CFAP54: variants seen among roughly 807,000 people sequenced by gnomAD.
CFAP54 encodes cilia- and flagella-associated protein 54.
In CFAP54, 290 loss-of-function variants were observed where a neutral mutation model predicts 370.4. The observed-to-expected ratio is 0.78, with a 90% CI of 0.71 to 0.86. CFAP54 has a LOEUF of 0.86. Among genes scored for constraint, CFAP54 ranks in the 40% least tolerant of loss-of-function variants. CFAP54 has a pLI of 0.00. For missense variants in CFAP54, 3,399 were observed against 3,528.7 expected (o/e 0.96, Z 0.93); for synonymous variants, 1,206 against 1,236.5 (o/e 0.98, Z 0.52).
At chr12:96,783,644 T>G (rs1054237810) in intron 60 of CFAP54, among the ~76,000 whole-genome samples, 7 of 152,180 alleles carry the variant, frequency 4.6e-5, no homozygotes, top group African/African-American at 1.7e-4. Context: ...CCCAGCATTT[T>G]GGAAGGCCGA....
rs1664434946 is a variant in CFAP54 at position 96,684,967 on chromosome 12, G to A, written c.5805-62G>A. 4 of 1,513,868 alleles carry A rather than the reference G, an allele frequency of 2.6e-6. No homozygotes were observed. The Admixed American group carries it at 7.2e-5, about 27-fold the overall frequency. 93.8% of individuals were successfully genotyped at this position (1,513,868 alleles called of 1,614,324 possible). ...TTCGGTGTATTTGCTTTCCCTTCTG[G>A]AAGATAGATTTAATAATGGGTCTCA... On this transcript the variant is annotated intron_variant, in intron 41 of 67. Coordinates refer to ENST00000524981, the MANE Select transcript of CFAP54 (RefSeq NM_001306084.2).
At chr12:96,636,914 G>A (rs141210761) in intron 32 of CFAP54, among the ~76,000 whole-genome samples, 436 of 152,180 alleles carry the variant, frequency 2.9e-3, no homozygotes, top group African/African-American at 1.0e-2. Context: ...TAAGTCACAT[G>A]CCAACAATTT....
intron 63 of CFAP54, among the ~76,000 whole-genome samples, chr12:96,802,863 G>A (rs567542780): frequency 1.6e-4 from 25 of 152,138 alleles, no homozygotes; most frequent in Admixed American, 1.3e-3. Context: ...AGTGTGTGCT[G>A]TTCCCCTCCC....
At chr12:96,767,326 G>A (rs7307284) in intron 60 of CFAP54, among the ~76,000 whole-genome samples, 55,290 of 152,016 alleles carry the variant, frequency 0.36, 10,806 homozygotes, top group East Asian at 0.58. Context: ...ATGTCAGCCA[G>A]GGGCACACAG....
At chr12:96,571,810 A>G (rs1461062976) in intron 19 of CFAP54, among the ~76,000 whole-genome samples, 1 of 152,208 alleles carries the variant, frequency 6.6e-6, no homozygotes, top group Non-Finnish European at 1.5e-5. Flanking sequence ...CTCATAAACA[A>G]AATCTTATTA....
chr12:96,772,335 T>G (rs1176707302), intron 60 of CFAP54, among the ~76,000 whole-genome samples: 3 of 152,170 alleles, frequency 2.0e-5, no homozygotes, highest in Admixed American at 6.5e-5. Flanking sequence ...CAGGGATACA[T>G]TATTCTAAAA....
intron 63 of CFAP54, among the ~76,000 whole-genome samples, chr12:96,802,809 C>T (rs1852455510): frequency 2.0e-5 from 3 of 152,054 alleles, no homozygotes; most frequent in Non-Finnish European, 4.4e-5. Context: ...GGTATTTGTC[C>T]TAATGCTCTC....
intron 19 of CFAP54, among the ~76,000 whole-genome samples, chr12:96,569,984 T>A (rs1280082488): frequency 6.6e-6 from 1 of 152,144 alleles, no homozygotes; most frequent in African/African-American, 2.4e-5. Flanking sequence ...TATTTTTATT[T>A]TTATTTATTT....
chr12:96,671,413 A>G lies in CFAP54; in HGVS notation c.5563+7481A>G, dbSNP rs190124552. On this transcript the variant is annotated intron_variant, in intron 39 of 67. Coordinates refer to ENST00000524981, the MANE Select transcript of CFAP54 (RefSeq NM_001306084.2). ...GGGTTTTTTTTGTGTGTTTATTGAT[A>G]ACTAATCTGTTCCTCCTGATAAAAC... is the stretch of plus-strand genomic sequence containing the variant. Among the ~76,000 whole-genome samples the G allele has an allele frequency of 1.6e-3, 240 of 152,258 alleles. 1 individual carries two copies. The highest frequency in any genetic ancestry group is 5.5e-3 in the African/African-American group (228 of 41,540).
Position 96,521,965 on chromosome 12 carries a change from A to G in CFAP54, c.1051A>G (p.Met351Val), listed in dbSNP as rs1373508109. ...ESRRYFREAT[M>V]KMAVMIFKRG... ...GCGAAGATATTTTCGAGAGGCCACA[A>G]TGAAGGTATAAAAATTTCATGAAAT... is the stretch of plus-strand genomic sequence containing the variant. Residue 351 changes from methionine (M) to valine (V), a missense_variant, in exon 7 of 68, where the codon ATG becomes GTG. Physicochemically the swap from Met to Val is conservative, Grantham distance 21. This residue lies in a region of CFAP54 where 559 missense variants were observed against 576.7 expected (regional missense o/e 0.97). Transcript: ENST00000524981. 4.6e-6 allele frequency: 7 copies of G among 1,533,050 alleles called. No homozygotes were observed. In the East Asian group the frequency reaches 1.7e-4, roughly 38 times the overall value. 95.0% of individuals were successfully genotyped at this position (1,533,050 alleles called of 1,614,324 possible).
chr12:96,489,583 A>C lies in CFAP54; in HGVS notation c.-27A>C. 6.7e-7 allele frequency: 1 copy of C among 1,489,314 alleles called. No individual in the cohort carries two copies. Among genetic ancestry groups the C allele is most frequent in the Non-Finnish European group, 8.9e-7 (1 of 1,120,112 alleles). 92.3% of individuals were successfully genotyped at this position (1,489,314 alleles called of 1,614,324 possible). A position where few individuals can be genotyped will look rare whatever the true frequency, so the allele number is the denominator to read the frequency against. On this transcript the variant is annotated 5_prime_UTR_variant, in exon 1 of 68. Coordinates refer to ENST00000524981, the MANE Select transcript of CFAP54 (RefSeq NM_001306084.2). Reference sequence around the variant, plus strand: ...TCGCCAGGCAACCGCGTGTACACATACTCCAGGCGGGCCGGGGCGCGTCAA... The same window carrying C: ...TCGCCAGGCAACCGCGTGTACACATCCTCCAGGCGGGCCGGGGCGCGTCAA...
chr12:96,868,120 T>A (rs1171023944), intron 67 of CFAP54, among the ~76,000 whole-genome samples: 2 of 152,184 alleles, frequency 1.3e-5, no homozygotes, highest in African/African-American at 4.8e-5. Flanking sequence ...CCATGGAACC[T>A]GTCCGTACCA....
intron 50 of CFAP54, among the ~76,000 whole-genome samples, chr12:96,739,317 G>GATAAA (rs1958022464): frequency 1.3e-5 from 2 of 152,086 alleles, no homozygotes; most frequent in Non-Finnish European, 2.9e-5. Flanking sequence ...GCAATGATAA[G>GATAAA]TTTACTATTC....
chr12:96,771,691 A>C (rs61420929), intron 60 of CFAP54, among the ~76,000 whole-genome samples: 3,033 of 152,000 alleles, frequency 0.02, 99 homozygotes, highest in African/African-American at 0.068. Context: ...ACAAAAAAAA[A>C]CCCCACTTTA....
intron 24 of CFAP54, 122 bp downstream of exon 24, chr12:96,592,759 T>C: frequency 2.8e-6 from 1 of 359,342 alleles, no homozygotes; most frequent in East Asian, 4.0e-5. Flanking sequence ...AAGGACATTG[T>C]ATGATTATGC....
intron 63 of CFAP54, among the ~76,000 whole-genome samples, chr12:96,800,979 CTT>C (rs1292621923): frequency 6.6e-6 from 1 of 152,176 alleles, no homozygotes; most frequent in African/African-American, 2.4e-5. Context: ...GCACTTCTAG[CTT>C]CTTGAAAGGA....
At chr12:96,787,820 G>A (rs1958643389) in intron 62 of CFAP54, among the ~76,000 whole-genome samples, 1 of 151,796 alleles carries the variant, frequency 6.6e-6, no homozygotes, top group Admixed American at 6.6e-5. Flanking sequence ...AATACTAGCA[G>A]AAATAATGTG....
At chr12:96,645,012 A>G in intron 33 of CFAP54, 1 of 361,482 alleles carries the variant, frequency 2.8e-6, no homozygotes. Context: ...GTGCAAGGGT[A>G]AAATGTAATT....
At chr12:96,803,437 C>T (rs907464702) in intron 63 of CFAP54, among the ~76,000 whole-genome samples, 1 of 152,032 alleles carries the variant, frequency 6.6e-6, no homozygotes, top group Non-Finnish European at 1.5e-5. Flanking sequence ...AATCAGCCCT[C>T]CAGGATTCAC....
Sources: gnomAD v4.1 joint callset for allele counts (sites outside exome capture counted in the v4.1 genomes callset) on GRCh38, gnomAD v4.1.1 for gene constraint, gnomAD v4.1.1 regional missense constraint, MANE v1.5 for transcripts, NCBI Gene and HGNC (gene_info 2026-07-23, HGNC 2026-07-21) for gene names.